CHD8: variants seen among roughly 807,000 people sequenced by gnomAD.
CHD8 encodes the protein chromodomain helicase DNA binding protein 8.
CHD8 carries 31 observed loss-of-function variants against 279.2 expected under a neutral mutation model. That is an observed-to-expected ratio of 0.11 (90% CI 0.08 to 0.15). The LOEUF is 0.15. Ranked by LOEUF, CHD8 falls within the 10% of genes least tolerant of loss-of-function variation. The pLI is 1.00. For missense variants in CHD8, 2,146 were observed against 3,230.5 expected (o/e 0.66, Z 8.14); for synonymous variants, 1,081 against 1,139.6 (o/e 0.95, Z 1.04).
At position 21,428,269 on chromosome 14, in the gene CHD8, ATAC is replaced by A. The variant is rs1227841453; in HGVS notation, c.1216-18_1216-16del. The A allele has an allele frequency of 1.2e-6, 2 of 1,607,438 alleles. No individual in the cohort carries two copies. The highest frequency in any genetic ancestry group is 2.7e-5 in the African/African-American group (2 of 74,552). On this transcript the variant is annotated splice_polypyrimidine_tract_variant and intron_variant, in intron 3 of 37. Transcript: ENST00000646647. ...GAAGAGCCAGCCTATAGAAACAAAGATACTACAATTTCAACTTGCTTGTAGTTA... is the reference window on the plus strand; with the variant it reads ...GAAGAGCCAGCCTATAGAAACAAAGATACAATTTCAACTTGCTTGTAGTTA...
In CHD8 at chr14:21,400,578, G is replaced by A. The variant is rs375862520; in HGVS notation, c.4405C>T (p.Arg1469Cys). Residue 1469 changes from arginine (R) to cysteine (C), a missense_variant, in exon 23 of 38, where the codon CGC (arginine) becomes TGC (cysteine). Physicochemically the swap from Arg to Cys is radical, Grantham distance 180. Around this residue, in one of 26 missense-constraint regions of CHD8, gnomAD observed 73 missense variants for 153.2 expected, o/e 0.48. Coordinates refer to ENST00000646647, the MANE Select transcript of CHD8 (RefSeq NM_001170629.2). This position sits in a 1 kb window ranked among gnomAD's most constrained non-coding sequence, Gnocchi z 4.2. ...CGTTCAGTCATACGTCGCTTGAAGCGTCCATGAGATAAAATATCTCGCCAT... is the reference window on the plus strand; with the variant it reads ...CGTTCAGTCATACGTCGCTTGAAGCATCCATGAGATAAAATATCTCGCCAT... ...GRWRDILSHG[R>C]FKRRMTERDV... The A allele has an allele frequency of 3.8e-6, 6 of 1,585,476 alleles. No homozygotes were observed. Among genetic ancestry groups the A allele is most frequent in the African/African-American group, 2.7e-5 (2 of 72,856 alleles).
intron 1 of CHD8, among the ~76,000 whole-genome samples, chr14:21,450,551 G>A (rs370689335): frequency 6.6e-6 from 1 of 152,030 alleles, no homozygotes; most frequent in Non-Finnish European, 1.5e-5. Context: ...CTACTTGGGA[G>A]GCTGAGATGG....
chr14:21,431,140 G>A lies in CHD8; in HGVS notation c.504C>T (p.Ser168=). The A allele has an allele frequency of 1.9e-6, 3 of 1,599,074 alleles. No homozygotes were observed. Among genetic ancestry groups the A allele is most frequent in the Non-Finnish European group, 2.5e-6 (3 of 1,179,602 alleles). Residue 168 remains serine, a synonymous_variant, in exon 2 of 38, where the codon TCC becomes TCT. Transcript: ENST00000646647. The part of the protein sequence containing the change: ...KIVILKAPPS[S]SVTGAHVAQI... ...GTGCCACATGGGCACCAGTGACTGA[G>A]GAGCTTGGTGGGGCCTTAAGGATAA...
Position 21,400,763 on chromosome 14 carries a change from T to C in CHD8, c.4370+112A>G, listed in dbSNP as rs1887994908. 2 of 1,319,882 alleles carry C rather than the reference T, an allele frequency of 1.5e-6. No individual in the cohort carries two copies. The highest frequency in any genetic ancestry group is 3.0e-5 in the African/African-American group (2 of 67,644). 81.8% of individuals were successfully genotyped at this position (1,319,882 alleles called of 1,614,324 possible). On this transcript the variant is annotated intron_variant, in intron 22 of 37. Transcript: ENST00000646647. The surrounding 1 kb of genome is among the most constrained non-coding windows in gnomAD (Gnocchi z 4.2). ...AAACTCCCTCCAAGGCAAATATTTT[T>C]TCACATTATCCCTTCTTTGATCATA...
At chr14:21,409,147 AC>A (rs1888374910) in intron 11 of CHD8, among the ~76,000 whole-genome samples, 2 of 152,200 alleles carry the variant, frequency 1.3e-5, no homozygotes, top group African/African-American at 4.8e-5. Context: ...AAATAAAAAA[AC>A]AAACAAAAAA....
intron 1 of CHD8, among the ~76,000 whole-genome samples, chr14:21,445,325 A>G (rs1890085367): frequency 2.6e-5 from 4 of 151,924 alleles, no homozygotes; most frequent in Admixed American, 2.6e-4. Flanking sequence ...TAATCCCAGC[A>G]CTTTGGGAGG....
rs1209281930 is a variant in CHD8 at position 21,403,632 on chromosome 14, A to G, written c.3339T>C (p.Arg1113=). ...GAEEKILTEF[R]EACHIIPHDF... ...CATGAGGTATAATATGGCAAGCTTC[A>G]CGGAATTCTGTTAGGATTTTTTCTT... The change falls in exon 17 of 38, where the codon CGT becomes CGC. Residue 1113 remains arginine (R), a synonymous_variant. Coordinates refer to ENST00000646647, the MANE Select transcript of CHD8 (RefSeq NM_001170629.2). The surrounding 1 kb of genome is among the most constrained non-coding windows in gnomAD (Gnocchi z 4.3). The G allele has an allele frequency of 2.5e-6, 4 of 1,601,904 alleles. No homozygotes were observed. The South Asian group carries it at 4.5e-5, about 18-fold the overall frequency.
At chr14:21,389,438 T>C (rs970163413) in intron 37 of CHD8, among the ~76,000 whole-genome samples, 2 of 151,792 alleles carry the variant, frequency 1.3e-5, no homozygotes, top group Non-Finnish European at 2.9e-5. Flanking sequence ...TGGCAAAACC[T>C]TCTTTCTATT....
intron 4 of CHD8, 104 bp downstream of exon 4, chr14:21,427,765 G>T: frequency 1.3e-6 from 2 of 1,527,188 alleles, no homozygotes; most frequent in Non-Finnish European, 1.8e-6. Context: ...TGTTTTGGAG[G>T]TACCAGATGT....
Position 21,385,372 on chromosome 14 carries a change from G to T in CHD8, c.*241C>A. ...AGGGGTGAGCACACCAGCTGCTCTA[G>T]TCTCCTTTCCTTCCCCAGAAATGAG... On this transcript the variant is annotated 3_prime_UTR_variant, in exon 38 of 38. Coordinates refer to ENST00000646647, the MANE Select transcript of CHD8 (RefSeq NM_001170629.2). The T allele has an allele frequency of 1.7e-6, 1 of 595,852 alleles. No individual in the cohort carries two copies. The highest frequency in any genetic ancestry group is 2.8e-6 in the Non-Finnish European group (1 of 356,964). The allele number at this position is 595,852 out of a possible 1,614,324, so 36.9% of individuals were successfully genotyped here. A position where few individuals can be genotyped will look rare whatever the true frequency, so the allele number is the denominator to read the frequency against.
intron 11 of CHD8, among the ~76,000 whole-genome samples, chr14:21,409,607 G>C (rs547115092): frequency 7.9e-5 from 12 of 152,154 alleles, no homozygotes; most frequent in Non-Finnish European, 1.5e-4. Context: ...TGAAATAAAT[G>C]AATCTGGGAT....
Position 21,403,194 on chromosome 14 carries a change from A to G in CHD8, c.3537T>C (p.Ile1179=), listed in dbSNP as rs554358346. 4 of 1,613,912 alleles carry G rather than the reference A, an allele frequency of 2.5e-6. No homozygotes were observed. The East Asian group carries it at 8.9e-5, about 36-fold the overall frequency. The change falls in exon 18 of 38, where the codon ATT becomes ATC. Residue 1179 remains isoleucine (I), a synonymous_variant. Coordinates refer to ENST00000646647, the MANE Select transcript of CHD8 (RefSeq NM_001170629.2). This position sits in a 1 kb window ranked among gnomAD's most constrained non-coding sequence, Gnocchi z 4.3. ...LIQRRYLYER[I]DGRVRGNLRQ... ...GAAGGTTGCCTCTAACTCGCCCATC[A>G]ATACGTTCATATAAGTACCTGTATG... is the stretch of plus-strand genomic sequence containing the variant.
Position 21,400,953 on chromosome 14 carries a change from C to T in CHD8, c.4292G>A (p.Arg1431His). The T allele has an allele frequency of 2.5e-6, 4 of 1,613,956 alleles. No homozygotes were observed. Among genetic ancestry groups the T allele is most frequent in the Non-Finnish European group, 2.5e-6 (3 of 1,179,834 alleles). Residue 1431 changes from arginine (R) to histidine (H), a missense_variant, in exon 22 of 38, where the codon CGC becomes CAC. Around this residue, in one of 26 missense-constraint regions of CHD8, gnomAD observed 74 missense variants for 91.5 expected, o/e 0.81. Transcript: ENST00000646647. This position sits in a 1 kb window ranked among gnomAD's most constrained non-coding sequence, Gnocchi z 4.2. ...DLESEDDERP[R>H]SRRHDRHHAY... ...ATGATGACGGTCATGTCTGCGGGAG[C>T]GTGGCCGCTCATCATCCTCACTTTC...
intron 1 of CHD8, among the ~76,000 whole-genome samples, chr14:21,443,867 A>C (rs947501054): frequency 1.2e-4 from 18 of 151,646 alleles, no homozygotes; most frequent in East Asian, 3.9e-4. Flanking sequence ...AAAAAAAAAA[A>C]AAAAAAAAAA....
chr14:21,420,756 C>T (rs1290882359), intron 5 of CHD8, among the ~76,000 whole-genome samples: 1 of 151,748 alleles, frequency 6.6e-6, no homozygotes, highest in African/African-American at 2.4e-5. Context: ...TGTAATTTTT[C>T]TCATACACAT....
rs1887204030 is a variant in CHD8 at position 21,385,884 on chromosome 14, A to G, written c.7475T>C (p.Leu2492Pro). 1 of 1,551,154 alleles carries G rather than the reference A, an allele frequency of 6.4e-7. No homozygotes were observed. Among genetic ancestry groups the G allele is most frequent in the Non-Finnish European group, 8.7e-7 (1 of 1,147,052 alleles). Residue 2492 changes from leucine to proline, a missense_variant, in exon 38 of 38, where the codon CTT (leucine) becomes CCT (proline). By Grantham distance (98) the Leu-to-Pro change is moderately conservative. Coordinates refer to ENST00000646647, the MANE Select transcript of CHD8 (RefSeq NM_001170629.2). The part of the protein sequence containing the change: ...SSPHVDSSTM[L>P]HHHHHHPHPH... ...GTGGGGGTGGTGGTGGTGGTGATGA[A>G]GCATGGTGCTGGAGTCTACATGAGG... is the stretch of plus-strand genomic sequence containing the variant.
In CHD8 at chr14:21,431,588, G is replaced by C; in HGVS notation, c.56C>G (p.Ser19Cys). 3 of 1,537,316 alleles carry C rather than the reference G, an allele frequency of 2.0e-6. No homozygotes were observed. The highest frequency in any genetic ancestry group is 2.0e-5 in the Admixed American group (1 of 50,996). Residue 19 changes from serine (S) to cysteine (C), a missense_variant, in exon 2 of 38, where the codon TCT (serine) becomes TGT (cysteine). Coordinates refer to ENST00000646647, the MANE Select transcript of CHD8 (RefSeq NM_001170629.2). ...FDDPNLFGLD[S>C]LTDDSFNQVT... Reference sequence around the variant, plus strand: ...CTGGTTAAAGCTGTCATCAGTCAGAGAGTCCAGGCCAAATAAATTTGGGTC... The same window carrying C: ...CTGGTTAAAGCTGTCATCAGTCAGACAGTCCAGGCCAAATAAATTTGGGTC...
chr14:21,442,287 C>G (rs1889995998), intron 1 of CHD8, among the ~76,000 whole-genome samples: 1 of 151,930 alleles, frequency 6.6e-6, no homozygotes. Context: ...GGCAACACGG[C>G]GAAACCCTGT....
chr14:21,429,414 A>G, intron 2 of CHD8, 79 bp from the exon 3 acceptor site: 1 of 1,424,906 alleles, frequency 7.0e-7, no homozygotes. Flanking sequence ...AGTTTTCTTC[A>G]TGCTAGAATC....
Sources: gnomAD v4.1 joint callset for allele counts (sites outside exome capture counted in the v4.1 genomes callset) on GRCh38, gnomAD v4.1.1 for gene constraint, gnomAD v4.1.1 regional missense constraint, Gnocchi (gnomAD v3.1) non-coding constraint, MANE v1.5 for transcripts, NCBI Gene and HGNC (gene_info 2026-07-23, HGNC 2026-07-21) for gene names.